The following PPP1R42 variants were observed in gnomAD, a reference collection of about 807,000 sequenced individuals.
PPP1R42 encodes the protein leucine rich repeat containing 67.
In PPP1R42, 34 loss-of-function variants were observed where a neutral mutation model predicts 31.0. The ratio of observed to expected loss-of-function variants is 1.10; its 90% CI spans 0.83 to 1.46. The LOEUF is 1.46. PPP1R42 is among the 40% of genes most tolerant of loss of function. The probability of loss-of-function intolerance (pLI) is 0.00; values close to 1 mark genes in which losing one functional copy is unlikely to be tolerated. For synonymous variants in PPP1R42, 103 were observed against 109.8 expected, an observed-to-expected ratio of 0.94 and a Z score of 0.39; for missense variants, 268 against 303.0, an observed-to-expected ratio of 0.88 and a Z score of 0.86.
At chr8:67,000,241 TATC>T (rs1364335488) in intron 5 of PPP1R42, among the ~76,000 whole-genome samples, 35 of 152,118 alleles carry the variant, frequency 2.3e-4, no homozygotes, top group Admixed American at 2.3e-3. Flanking sequence ...TTAAATTTAT[TATC>T]ATTATTGTTT....
intron 7 of PPP1R42, among the ~76,000 whole-genome samples, chr8:66,971,532 G>T (rs996521739): frequency 6.6e-6 from 1 of 152,072 alleles, no homozygotes; most frequent in Non-Finnish European, 1.5e-5. Context: ...CCTGCTTTCA[G>T]ATCCTCCTCC....
At chr8:66,972,381 A>G (rs992687317) in intron 7 of PPP1R42, among the ~76,000 whole-genome samples, 1 of 152,110 alleles carries the variant, frequency 6.6e-6, no homozygotes, top group Non-Finnish European at 1.5e-5. Context: ...ATTTTATTTT[A>G]ATTGATTTTA....
At chr8:66,965,404 A>G (rs757308549) in intron 7 of PPP1R42, among the ~76,000 whole-genome samples, 5 of 151,724 alleles carry the variant, frequency 3.3e-5, no homozygotes, top group African/African-American at 4.8e-5. Context: ...GTGAACCACT[A>G]GCTGCTAGAA....
chr8:66,994,393 A>G (rs1306919159), intron 5 of PPP1R42, among the ~76,000 whole-genome samples: 1 of 152,204 alleles, frequency 6.6e-6, no homozygotes, highest in Non-Finnish European at 1.5e-5. Context: ...ACAGAGCTCA[A>G]GAATTTCAGT....
At chr8:66,965,547 C>T (rs1233359076) in intron 7 of PPP1R42, among the ~76,000 whole-genome samples, 2 of 151,636 alleles carry the variant, frequency 1.3e-5, no homozygotes, top group Non-Finnish European at 2.9e-5. Context: ...AGTGATCCTC[C>T]AAGTGATCCT....
intron 5 of PPP1R42, among the ~76,000 whole-genome samples, chr8:66,990,064 T>A (rs1295749695): frequency 6.6e-6 from 1 of 152,198 alleles, no homozygotes; most frequent in Non-Finnish European, 1.5e-5. Flanking sequence ...AAAGTTATCT[T>A]CATAAATTAT....
chr8:67,016,504 A>C lies in PPP1R42; in HGVS notation c.129+1115T>G, dbSNP rs575216047. ...TGCTGAGAAAATGTAGTTTCAGATT[A>C]TATCCAGATAAACATAAACTTGTCT... On this transcript the variant is annotated intron_variant, in intron 2 of 7. Coordinates refer to ENST00000685739, the MANE Select transcript of PPP1R42 (RefSeq NM_001364910.1). Among the ~76,000 whole-genome samples, 11 of 152,334 alleles carry C rather than the reference A, an allele frequency of 7.2e-5. No individual in the cohort carries two copies. In the South Asian group the frequency reaches 2.3e-3, roughly 32 times the overall value.
At chr8:66,990,749 C>A (rs1227309117) in intron 5 of PPP1R42, among the ~76,000 whole-genome samples, 1 of 152,202 alleles carries the variant, frequency 6.6e-6, no homozygotes, top group Non-Finnish European at 1.5e-5. Flanking sequence ...GACCAACCGT[C>A]CTTACTAAAT....
chr8:67,002,692 TG>T (rs1305065557), intron 5 of PPP1R42, among the ~76,000 whole-genome samples: 4 of 150,416 alleles, frequency 2.7e-5, no homozygotes, highest in African/African-American at 9.8e-5. Flanking sequence ...TGTTTTGTTT[TG>T]AGATAGGGGC....
At chr8:66,984,274 G>C (rs947334114) in intron 6 of PPP1R42, 8 of 1,411,902 alleles carry the variant, frequency 5.7e-6, no homozygotes, top group African/African-American at 4.2e-5. Context: ...GTCTTTGGCT[G>C]TACCCTCCCA....
At chr8:66,982,416 A>G (rs756711302) in intron 6 of PPP1R42, among the ~76,000 whole-genome samples, 9 of 152,214 alleles carry the variant, frequency 5.9e-5, no homozygotes, top group Non-Finnish European at 1.3e-4. Flanking sequence ...ATATCATTAA[A>G]TAAAACATTA....
chr8:67,026,007 A>C (rs1816385203), intron 1 of PPP1R42, among the ~76,000 whole-genome samples: 1 of 149,652 alleles, frequency 6.7e-6, no homozygotes, highest in Non-Finnish European at 1.5e-5. Flanking sequence ...TCCGTCTCAA[A>C]AAAAAAAAAA....
intron 5 of PPP1R42, among the ~76,000 whole-genome samples, chr8:67,000,096 G>A (rs570344437): frequency 6.6e-6 from 1 of 151,918 alleles, no homozygotes; most frequent in East Asian, 1.9e-4. Context: ...ATTAATTTCT[G>A]CTGTTATTTT....
intron 2 of PPP1R42, 56 bp from the exon 3 acceptor site, chr8:67,014,648 T>G: frequency 7.7e-7 from 1 of 1,292,176 alleles, no homozygotes; most frequent in Non-Finnish European, 1.1e-6. Flanking sequence ...CTTAAAAGTT[T>G]GTTTTTAACA....
intron 5 of PPP1R42, among the ~76,000 whole-genome samples, chr8:67,002,616 A>C (rs1041822496): frequency 6.6e-6 from 1 of 151,578 alleles, no homozygotes; most frequent in African/African-American, 2.4e-5. Flanking sequence ...TCAGGGATTA[A>C]AATTTTCATC....
chr8:66,994,505 C>A (rs1299224318), intron 5 of PPP1R42, among the ~76,000 whole-genome samples: 1 of 152,146 alleles, frequency 6.6e-6, no homozygotes, highest in Non-Finnish European at 1.5e-5. Flanking sequence ...GTTGTTTAAC[C>A]ATCCTAAGGG....
intron 5 of PPP1R42, among the ~76,000 whole-genome samples, chr8:66,991,585 C>T (rs1815190259): frequency 6.6e-6 from 1 of 152,190 alleles, no homozygotes; most frequent in Non-Finnish European, 1.5e-5. Context: ...ACCAAGTTTT[C>T]TCAGTTATCT....
At chr8:67,015,598 CTTTT>C (rs375638249) in intron 2 of PPP1R42, among the ~76,000 whole-genome samples, 4 of 135,454 alleles carry the variant, frequency 3.0e-5, no homozygotes, top group Non-Finnish European at 3.2e-5. Flanking sequence ...ACATCAATTA[CTTTT>C]TTTTTTTTTT....
At chr8:67,003,061 G>A (rs1400589482) in intron 5 of PPP1R42, among the ~76,000 whole-genome samples, 2 of 149,798 alleles carry the variant, frequency 1.3e-5, no homozygotes, top group African/African-American at 4.9e-5. Flanking sequence ...GCTACTAGGT[G>A]GGGCTGAGGC....
Sources: allele counts gnomAD v4.1 joint callset (sites outside exome capture counted in the v4.1 genomes callset), GRCh38; gene constraint gnomAD v4.1.1; transcripts MANE v1.5; gene names NCBI Gene and HGNC (gene_info 2026-07-23, HGNC 2026-07-21).